Variants in GPD2 observed in about 807,000 individuals in gnomAD.
GPD2 encodes glycerol-3-phosphate dehydrogenase, mitochondrial.
GPD2 carries 54 observed loss-of-function variants against 82.4 expected under a neutral mutation model. The ratio of observed to expected loss-of-function variants is 0.66; its 90% confidence interval spans 0.53 to 0.82. The LOEUF (loss-of-function observed/expected upper bound fraction) is 0.82. Among genes scored for constraint, GPD2 ranks in the 40% least tolerant of loss-of-function variants. GPD2 has a pLI of 0.00. For missense variants in GPD2, 748 were observed against 896.2 expected (o/e 0.83, Z 2.11); for synonymous variants, 288 against 306.1 (o/e 0.94, Z 0.62).
intron 1 of GPD2, among the ~76,000 whole-genome samples, chr2:156,472,262 A>C (rs1275869242): frequency 2.0e-5 from 3 of 152,142 alleles, no homozygotes; most frequent in Non-Finnish European, 2.9e-5. Context: ...TGTTGTCCAC[A>C]GCATTTGGTT....
intron 1 of GPD2, among the ~76,000 whole-genome samples, chr2:156,463,204 A>T (rs72893392): frequency 6.6e-6 from 1 of 152,336 alleles, no homozygotes; most frequent in Non-Finnish European, 1.5e-5. Flanking sequence ...AATTGAATTC[A>T]TGGTTAATAT....
intron 6 of GPD2, among the ~76,000 whole-genome samples, chr2:156,542,253 C>T (rs1389091614): frequency 6.6e-6 from 1 of 151,912 alleles, no homozygotes; most frequent in East Asian, 1.9e-4. Flanking sequence ...GAACAAAAGG[C>T]CCAGGATAAT....
chr2:156,528,587 C>A (rs896656293), intron 6 of GPD2, among the ~76,000 whole-genome samples: 1 of 109,742 alleles, frequency 9.1e-6, no homozygotes, highest in Non-Finnish European at 1.8e-5. Flanking sequence ...ATCCCTCCCC[C>A]CTCCCCCCAC....
chr2:156,405,647 A>G, the GPD2 span, among the ~76,000 whole-genome samples: 41 of 152,214 alleles, frequency 2.7e-4, no homozygotes, highest in African/African-American at 8.2e-4. Context: ...TGTAGTAGGC[A>G]GTGATTTCAT....
intron 8 of GPD2, among the ~76,000 whole-genome samples, chr2:156,553,020 C>A (rs1260415866): frequency 6.6e-6 from 1 of 151,522 alleles, no homozygotes; most frequent in Non-Finnish European, 1.5e-5. Context: ...CTGCCTCAGC[C>A]TCCCGAGTAG....
chr2:156,407,168 C>T, the GPD2 span, among the ~76,000 whole-genome samples: 1 of 152,198 alleles, frequency 6.6e-6, no homozygotes. Context: ...GCTGAGATCG[C>T]ACCACTGCAC....
In GPD2 at chr2:156,569,235, A is replaced by C. The variant is rs1331397515; in HGVS notation, c.1301-128A>C. ...CAAGCATTTTTTTTATTCTGAATTA[A>C]GTTTTACACAATCCCATGTTTGTTA... On this transcript the variant is annotated intron_variant, in intron 10 of 16. Transcript: ENST00000438166. The C allele has an allele frequency of 2.4e-5, 17 of 722,758 alleles. No homozygotes were observed. The East Asian group carries it at 4.5e-4, about 19-fold the overall frequency. 44.8% of individuals were successfully genotyped at this position (722,758 alleles called of 1,614,324 possible). A position where few individuals can be genotyped will look rare whatever the true frequency, so the allele number is the denominator to read the frequency against.
intron 1 of GPD2, among the ~76,000 whole-genome samples, chr2:156,451,041 GA>G (rs1318959315): frequency 7.7e-5 from 11 of 143,050 alleles, no homozygotes; most frequent in Non-Finnish European, 4.6e-5. Context: ...AGAACAAAAT[GA>G]AAAGTCTCCC....
At chr2:156,537,426 A>G (rs1686124407) in intron 6 of GPD2, among the ~76,000 whole-genome samples, 1 of 152,218 alleles carries the variant, frequency 6.6e-6, no homozygotes, top group South Asian at 2.1e-4. Context: ...CCACTCACTG[A>G]AAGCATGGTA....
intron 8 of GPD2, among the ~76,000 whole-genome samples, chr2:156,556,383 A>G (rs910597592): frequency 6.6e-6 from 1 of 152,218 alleles, no homozygotes; most frequent in Non-Finnish European, 1.5e-5. Flanking sequence ...CTTGAATAGG[A>G]CACTTTAAGA....
the GPD2 span, among the ~76,000 whole-genome samples, chr2:156,400,870 C>T: frequency 7.9e-4 from 121 of 152,244 alleles, no homozygotes; most frequent in African/African-American, 2.8e-3. Context: ...TTTATTTTTT[C>T]TCCTTTCCTG....
intron 6 of GPD2, among the ~76,000 whole-genome samples, chr2:156,521,116 A>C (rs1558940305): frequency 6.6e-6 from 1 of 152,226 alleles, no homozygotes; most frequent in East Asian, 1.9e-4. Context: ...AAGTAATGCA[A>C]ATATCCATCA....
the GPD2 span, among the ~76,000 whole-genome samples, chr2:156,407,249 C>A: frequency 6.6e-6 from 1 of 152,158 alleles, no homozygotes; most frequent in African/African-American, 2.4e-5. Context: ...CCTGTATTTC[C>A]CTTCACAAAT....
the GPD2 span, among the ~76,000 whole-genome samples, chr2:156,418,539 C>T: frequency 1.9e-4 from 29 of 152,164 alleles, no homozygotes; most frequent in African/African-American, 6.8e-4. Flanking sequence ...GACTTCTACC[C>T]ATTCTCCCTG....
rs1378862676 is a variant in GPD2 at position 156,437,712 on chromosome 2, AT to A, written c.-9+1203del. ...TTCTCATAGCTTATAGAGTCACTTT[AT>A]TTTATAAAGAAATTCTAAACAGCAT... On this transcript the variant is annotated intron_variant, in intron 1 of 16. Coordinates refer to ENST00000438166, the MANE Select transcript of GPD2 (RefSeq NM_000408.5). Among the ~76,000 whole-genome samples the A allele has an allele frequency of 4.6e-5, 7 of 152,272 alleles. No homozygotes were observed. In the East Asian group the frequency reaches 1.4e-3, roughly 29 times the overall value.
At chr2:156,446,794 T>G (rs1244729315) in intron 1 of GPD2, among the ~76,000 whole-genome samples, 1 of 152,158 alleles carries the variant, frequency 6.6e-6, no homozygotes, top group Non-Finnish European at 1.5e-5. Context: ...GAACTTGTGA[T>G]TTGCCTGCCT....
chr2:156,437,431 C>T (rs1422239135), intron 1 of GPD2, among the ~76,000 whole-genome samples: 1 of 152,196 alleles, frequency 6.6e-6, no homozygotes, highest in Non-Finnish European at 1.5e-5. Context: ...TAGTCCCAGT[C>T]CTACAGTTCT....
At chr2:156,541,725 T>C (rs1320429111) in intron 6 of GPD2, among the ~76,000 whole-genome samples, 1 of 152,066 alleles carries the variant, frequency 6.6e-6, no homozygotes, top group Non-Finnish European at 1.5e-5. Flanking sequence ...AAGATCTCTA[T>C]AGCATGTCTT....
At chr2:156,411,297 TTCTC>T in the GPD2 span, among the ~76,000 whole-genome samples, 1 of 151,828 alleles carries the variant, frequency 6.6e-6, no homozygotes, top group South Asian at 2.1e-4. Context: ...GTCACATAAG[TTCTC>T]TCTCTCTCTC....
Sources: gnomAD v4.1 joint callset for allele counts (sites outside exome capture counted in the v4.1 genomes callset) on GRCh38, gnomAD v4.1.1 for gene constraint, MANE v1.5 for transcripts, NCBI Gene and HGNC (gene_info 2026-07-23, HGNC 2026-07-21) for gene names.